Variants in PAM observed in about 807,000 individuals in gnomAD.
The protein encoded by PAM is peptidylglycine alpha-amidating monooxygenase, also known as peptidyl-glycine alpha-amidating monooxygenase.
Under a neutral mutation model 122.1 loss-of-function variants are expected in PAM, and 72 were observed. The observed-to-expected ratio is 0.59, with a 90% CI of 0.49 to 0.72. PAM has a LOEUF of 0.72. PAM is among the 30% of genes least tolerant of loss of function. The pLI, the probability that PAM is intolerant of heterozygous loss-of-function variation, is 0.00. For synonymous variants in PAM, 389 were observed against 404.4 expected (o/e 0.96, Z 0.46); for missense variants, 1,106 against 1,183.7 (o/e 0.93, Z 0.96).
At chr5:102,999,891 G>T (rs1776865500) in intron 16 of PAM, among the ~76,000 whole-genome samples, 1 of 152,204 alleles carries the variant, frequency 6.6e-6, no homozygotes, top group Admixed American at 6.5e-5. Flanking sequence ...GGAAGGGGCT[G>T]CTGTGAAGAC....
intron 1 of PAM, chr5:102,837,840 T>G (rs1472656325): frequency 1.3e-5 from 2 of 152,198 alleles, no homozygotes; most frequent in African/African-American, 4.8e-5. Flanking sequence ...CAATCAATTA[T>G]GTGGCTCACC....
At chr5:102,807,981 T>C (rs1374456974) in intron 1 of PAM, 2 of 152,166 alleles carry the variant, frequency 1.3e-5, no homozygotes, top group Non-Finnish European at 2.9e-5. Context: ...CAACCTTCAT[T>C]TCCTACTTAG....
chr5:102,945,583 G>A (rs187570216), intron 7 of PAM, among the ~76,000 whole-genome samples: 8 of 151,976 alleles, frequency 5.3e-5, no homozygotes, highest in Admixed American at 1.3e-4. Context: ...GTTCCCATCT[G>A]TTTTTTAAGC....
At chr5:102,806,429 A>C (rs1011039883) in intron 1 of PAM, among the ~76,000 whole-genome samples, 3 of 152,024 alleles carry the variant, frequency 2.0e-5, no homozygotes, top group Admixed American at 1.3e-4. Flanking sequence ...ACATTGGAAG[A>C]CTCTCCTTCA....
At chr5:102,768,214 A>C (rs1262966592) in intron 1 of PAM, among the ~76,000 whole-genome samples, 2 of 151,976 alleles carry the variant, frequency 1.3e-5, no homozygotes, top group African/African-American at 4.8e-5. Flanking sequence ...TTTAATTTTT[A>C]ATTTTTGTGG....
chr5:102,879,454 C>T (rs1790271908), intron 3 of PAM, among the ~76,000 whole-genome samples: 1 of 152,074 alleles, frequency 6.6e-6, no homozygotes, highest in Non-Finnish European at 1.5e-5. Context: ...GGAGGAGGGG[C>T]CTGGTGGGAG....
intron 1 of PAM, among the ~76,000 whole-genome samples, chr5:102,781,846 A>G (rs942225552): frequency 6.6e-6 from 1 of 152,126 alleles, no homozygotes; most frequent in African/African-American, 2.4e-5. Context: ...GTGCTCTTCT[A>G]AGAACTACAC....
intron 21 of PAM, among the ~76,000 whole-genome samples, chr5:103,016,433 T>A (rs1782011134): frequency 6.6e-6 from 1 of 152,206 alleles, no homozygotes; most frequent in Admixed American, 6.5e-5. Context: ...CCTTCTGGCC[T>A]TAAAGGTGAA....
intron 6 of PAM, 56 bp from the exon 7 acceptor site, chr5:102,926,529 T>C (rs1234762715): frequency 2.1e-6 from 2 of 944,812 alleles, no homozygotes; most frequent in Admixed American, 3.5e-5. Flanking sequence ...CAATTTGAGA[T>C]TAACTCCATT....
intron 1 of PAM, among the ~76,000 whole-genome samples, chr5:102,834,106 T>G (rs1776232706): frequency 6.6e-6 from 1 of 152,322 alleles, no homozygotes; most frequent in African/African-American, 2.4e-5. Flanking sequence ...ATGAATATGT[T>G]GGAACTTGCC....
chr5:102,901,120 A>G (rs1797701973), intron 3 of PAM, among the ~76,000 whole-genome samples: 1 of 151,620 alleles, frequency 6.6e-6, no homozygotes, highest in African/African-American at 2.4e-5. Context: ...AATATCACTC[A>G]TGATGATTGG....
intron 1 of PAM, among the ~76,000 whole-genome samples, chr5:102,790,460 G>A (rs1255399323): frequency 6.6e-6 from 1 of 152,024 alleles, no homozygotes; most frequent in Non-Finnish European, 1.5e-5. Flanking sequence ...TACAATGACA[G>A]TAGCTTTCAA....
At chr5:102,923,297 T>G (rs1748089656) in intron 5 of PAM, among the ~76,000 whole-genome samples, 1 of 152,224 alleles carries the variant, frequency 6.6e-6, no homozygotes, top group South Asian at 2.1e-4. Context: ...TTTTCATATG[T>G]GCAACGTGGG....
rs1002441583 is a variant in PAM, at chr5:102,910,081, A to G, written c.269-3853A>G. On this transcript the variant is annotated intron_variant, in intron 4 of 25. Coordinates refer to ENST00000438793, the MANE Select transcript of PAM (RefSeq NM_001177306.2). ...TATGTGTGTTCTTCAGAATCTTTCT[A>G]TGTCCTAAGTCTGGCAGAAGAATCA... Among the ~76,000 whole-genome samples the G allele has an allele frequency of 4.6e-5, 7 of 151,862 alleles. No homozygotes were observed. The East Asian group carries it at 1.4e-3, about 30-fold the overall frequency.
At chr5:103,003,719 TTAAG>T (rs539950497) in intron 17 of PAM, among the ~76,000 whole-genome samples, 329 of 152,244 alleles carry the variant, frequency 2.2e-3, no homozygotes, top group African/African-American at 7.4e-3. Context: ...ACATACTTGA[TTAAG>T]TGAGTTGCTG....
intron 1 of PAM, among the ~76,000 whole-genome samples, chr5:102,804,911 G>C (rs469250): frequency 0.69 from 104,305 of 152,008 alleles, 36,060 homozygotes; most frequent in South Asian, 0.8. Flanking sequence ...GTTTAAGAAA[G>C]AAGTTAGTTT....
At chr5:103,025,363 A>G (rs143791856) in intron 24 of PAM, 29 bp downstream of exon 24, 2 of 1,563,150 alleles carry the variant, frequency 1.3e-6, no homozygotes, top group Non-Finnish European at 1.8e-6. Context: ...GTGAACTTGG[A>G]ACCTGCCTTT....
chr5:102,950,402 T>C (rs1758395703), intron 11 of PAM, among the ~76,000 whole-genome samples: 1 of 127,068 alleles, frequency 7.9e-6, no homozygotes, highest in South Asian at 2.4e-4. Context: ...AGTGATTATT[T>C]GTGTATGTGG....
chr5:102,808,533 T>G (rs1282261112), intron 1 of PAM, among the ~76,000 whole-genome samples: 1 of 152,216 alleles, frequency 6.6e-6, no homozygotes, highest in African/African-American at 2.4e-5. Flanking sequence ...ATATGTAACT[T>G]CCTTAAAATA....
Sources: allele counts gnomAD v4.1 joint callset (sites outside exome capture counted in the v4.1 genomes callset), GRCh38; gene constraint gnomAD v4.1.1; transcripts MANE v1.5; gene names NCBI Gene and HGNC (gene_info 2026-07-23, HGNC 2026-07-21).